SERPINB10: variants seen among roughly 807,000 people sequenced by gnomAD.
The protein encoded by SERPINB10 is serpin B10.
Under a neutral mutation model 39.1 loss-of-function variants are expected in SERPINB10, and 35 were observed. That is an observed-to-expected ratio of 0.90 (90% CI 0.68 to 1.19). SERPINB10 has a LOEUF of 1.19. Ranked by LOEUF, SERPINB10 falls within the 50% of genes most tolerant of loss-of-function variation. The pLI, the probability that SERPINB10 is intolerant of heterozygous loss-of-function variation, is 0.00. For synonymous variants in SERPINB10, 190 were observed against 158.1 expected, an observed-to-expected ratio of 1.20 and a Z score of -1.52; for missense variants, 546 against 460.5, an observed-to-expected ratio of 1.19 and a Z score of -1.70.
intron 5 of SERPINB10, among the ~76,000 whole-genome samples, chr18:63,924,185 C>G (rs1168764713): frequency 6.6e-6 from 1 of 151,932 alleles, no homozygotes; most frequent in Admixed American, 6.6e-5. Flanking sequence ...GTTTACCAGT[C>G]TTAGTTTATA....
chr18:63,934,858 T>C lies in SERPINB10; in HGVS notation c.810T>C (p.Tyr270=). ...GLEQLEKAIT[Y]EKLNEWTSAD... ...GGCAGCTGGAAAAGGCCATCACCTATGAGAAGCTGAATGAGTGGACCAGTG... is the reference window on the plus strand; with the variant it reads ...GGCAGCTGGAAAAGGCCATCACCTACGAGAAGCTGAATGAGTGGACCAGTG... The change falls in exon 8 of 8, where the codon TAT becomes TAC. Residue 270 remains tyrosine (Y), a synonymous_variant. Transcript: ENST00000238508. The C allele has an allele frequency of 1.9e-6, 3 of 1,609,040 alleles. No homozygotes were observed. Among genetic ancestry groups the C allele is most frequent in the African/African-American group, 1.3e-5 (1 of 74,882 alleles).
At chr18:63,911,454 G>A (rs115316425) in intron 1 of SERPINB10, among the ~76,000 whole-genome samples, 1 of 151,208 alleles carries the variant, frequency 6.6e-6, no homozygotes, top group African/African-American at 2.4e-5. Context: ...GTTAATTTTT[G>A]TACATGTTGA....
chr18:63,916,657 C>T (rs557193354), intron 2 of SERPINB10, among the ~76,000 whole-genome samples: 2 of 152,218 alleles, frequency 1.3e-5, no homozygotes, highest in South Asian at 2.1e-4. Context: ...ATGTGATAGA[C>T]AATCTTAAGT....
chr18:63,917,486 A>T lies in SERPINB10; in HGVS notation c.199A>T (p.Lys67Ter). 6.3e-7 allele frequency: 1 copy of T among 1,585,064 alleles called. No homozygotes were observed. Among genetic ancestry groups the T allele is most frequent in the South Asian group, 1.2e-5 (1 of 86,884 alleles). The change falls in exon 3 of 8, where the codon AAA becomes TAA. Residue 67 changes from lysine (K) to a stop codon, truncating the protein, a stop_gained. Transcript: ENST00000238508. LOFTEE classifies it high-confidence loss of function. ...VLQFNRDQGV[K>*]CDPESEKKRK... ...TCAATTTAACAGAGACCAGGGAGTC[A>T]AATGTGACCCTGAAAGTGAAAAAAA...
At position 63,919,846 on chromosome 18, in the gene SERPINB10, T is replaced by C. The variant is rs1181301501; in HGVS notation, c.431T>C (p.Val144Ala). 1 of 1,610,730 alleles carries C rather than the reference T, an allele frequency of 6.2e-7. No individual in the cohort carries two copies. Residue 144 changes from valine to alanine, a missense_variant, in exon 5 of 8, where the codon GTG becomes GCG. Val to Ala is a moderately conservative substitution (Grantham distance 64). Transcript: ENST00000238508. ...FGAEPQPVNFVEASDQIRKDI... is the reference protein window; with the variant it reads ...FGAEPQPVNFAEASDQIRKDI... ...GCAGAACCTCAGCCTGTTAACTTTGTGGAAGCTTCTGATCAAATCAGAAAG... is the reference window on the plus strand; with the variant it reads ...GCAGAACCTCAGCCTGTTAACTTTGCGGAAGCTTCTGATCAAATCAGAAAG...
At chr18:63,931,163 C>A (rs1284650880) in intron 6 of SERPINB10, among the ~76,000 whole-genome samples, 2 of 152,120 alleles carry the variant, frequency 1.3e-5, no homozygotes, top group African/African-American at 4.8e-5. Flanking sequence ...GCTGAGGTGA[C>A]AAAAAACTGG....
chr18:63,932,649 C>T (rs2050231421), intron 6 of SERPINB10, among the ~76,000 whole-genome samples: 1 of 152,018 alleles, frequency 6.6e-6, no homozygotes, highest in Admixed American at 6.6e-5. Context: ...TCATCTATTG[C>T]TTGTCTTTGC....
chr18:63,929,999 T>C (rs1049236562), intron 5 of SERPINB10, 46 bp from the exon 6 acceptor site: 3 of 1,591,430 alleles, frequency 1.9e-6, no homozygotes, highest in South Asian at 2.3e-5. Flanking sequence ...AGTTAAAATA[T>C]ACATATTTCT....
At chr18:63,920,927 T>C (rs1339159480) in intron 5 of SERPINB10, among the ~76,000 whole-genome samples, 1 of 151,908 alleles carries the variant, frequency 6.6e-6, no homozygotes, top group African/African-American at 2.4e-5. Context: ...TTAACAGTCT[T>C]TTATTGTTAT....
At chr18:63,927,456 G>A (rs551423268) in intron 5 of SERPINB10, among the ~76,000 whole-genome samples, 8 of 151,988 alleles carry the variant, frequency 5.3e-5, no homozygotes, top group East Asian at 1.9e-4. Context: ...TGGGAAGTCC[G>A]CAATCAAGGT....
chr18:63,915,789 T>C, intron 2 of SERPINB10, 111 bp downstream of exon 2: 1 of 965,144 alleles, frequency 1.0e-6, no homozygotes, highest in South Asian at 2.0e-5. Flanking sequence ...CACAATAACA[T>C]TCTCTAAAAC....
At chr18:63,925,231 T>C (rs1239668017) in intron 5 of SERPINB10, among the ~76,000 whole-genome samples, 3 of 151,946 alleles carry the variant, frequency 2.0e-5, no homozygotes, top group African/African-American at 4.8e-5. Context: ...GAAAGATAAT[T>C]CAATAGATAA....
intron 6 of SERPINB10, among the ~76,000 whole-genome samples, chr18:63,932,108 A>G (rs2050226833): frequency 1.3e-5 from 2 of 152,164 alleles, no homozygotes; most frequent in Admixed American, 6.6e-5. Flanking sequence ...GCTGAATAAT[A>G]TTTTAGGGTA....
In SERPINB10 at chr18:63,917,632, A is replaced by G. The variant is rs2050113835; in HGVS notation, c.234+111A>G. ...TTAGCAGGTAATTTTTCTTAGAAAC[A>G]TATATTAAAGTTACAGAAACTTTTT... On this transcript the variant is annotated intron_variant, in intron 3 of 7. Transcript: ENST00000238508. The G allele has an allele frequency of 6.4e-6, 4 of 625,394 alleles. No individual in the cohort carries two copies. The Admixed American group carries it at 1.1e-4, about 17-fold the overall frequency. 38.7% of individuals were successfully genotyped at this position (625,394 alleles called of 1,614,324 possible).
intron 2 of SERPINB10, among the ~76,000 whole-genome samples, chr18:63,916,352 A>T (rs202037005): frequency 0.23 from 34,022 of 150,532 alleles, 4,046 homozygotes; most frequent in Admixed American, 0.31. Context: ...TTAAATAAAA[A>T]AAAAAAAAAA....
At chr18:63,915,897 C>T (rs568517314) in intron 2 of SERPINB10, among the ~76,000 whole-genome samples, 1 of 151,970 alleles carries the variant, frequency 6.6e-6, no homozygotes, top group East Asian at 1.9e-4. Context: ...GAACCTGTGT[C>T]CTTTAGCAAA....
At chr18:63,916,184 A>G (rs1350061204) in intron 2 of SERPINB10, among the ~76,000 whole-genome samples, 1 of 151,950 alleles carries the variant, frequency 6.6e-6, no homozygotes, top group African/African-American at 2.4e-5. Context: ...ATATAATACT[A>G]TTATATACAG....
At chr18:63,918,436 C>T (rs1364233256) in intron 4 of SERPINB10, among the ~76,000 whole-genome samples, 1 of 151,976 alleles carries the variant, frequency 6.6e-6, no homozygotes, top group Non-Finnish European at 1.5e-5. Context: ...GTTTTCACAT[C>T]AAGACTTTAC....
At chr18:63,922,760 G>A (rs1313243798) in intron 5 of SERPINB10, among the ~76,000 whole-genome samples, 1 of 151,938 alleles carries the variant, frequency 6.6e-6, no homozygotes, top group African/African-American at 2.4e-5. Flanking sequence ...TATGATGATG[G>A]AGACGTGCCA....
Sources: allele counts gnomAD v4.1 joint callset (sites outside exome capture counted in the v4.1 genomes callset), GRCh38; gene constraint gnomAD v4.1.1; transcripts MANE v1.5; gene names NCBI Gene and HGNC (gene_info 2026-07-23, HGNC 2026-07-21).